ADAMTS9: variants seen among roughly 807,000 people sequenced by gnomAD.
ADAMTS9 encodes the protein A disintegrin and metalloproteinase with thrombospondin motifs 9.
ADAMTS9 carries 107 observed loss-of-function variants against 257.1 expected under a neutral mutation model. The observed-to-expected ratio is 0.42, with a 90% CI of 0.36 to 0.49. The LOEUF is 0.49. ADAMTS9 is among the 20% of genes least tolerant of loss of function. The pLI is 0.03. For synonymous variants in ADAMTS9, 982 were observed against 880.9 expected (o/e 1.11, Z -2.03); for missense variants, 2,353 against 2,469.1 (o/e 0.95, Z 1.00).
At chr3:64,525,831 G>A (rs1486204852) in intron 38 of ADAMTS9, among the ~76,000 whole-genome samples, 2 of 151,306 alleles carry the variant, frequency 1.3e-5, no homozygotes, top group Admixed American at 6.6e-5. Context: ...GACTGGTCTC[G>A]AACTCCTGAC....
At chr3:64,611,869 G>C (rs1027901648) in intron 22 of ADAMTS9, among the ~76,000 whole-genome samples, 1 of 152,138 alleles carries the variant, frequency 6.6e-6, no homozygotes, top group Non-Finnish European at 1.5e-5. Context: ...ATGAAGTTTC[G>C]TAACTAGGTA....
intron 28 of ADAMTS9, among the ~76,000 whole-genome samples, chr3:64,590,881 G>C (rs528230081): frequency 1.6e-4 from 24 of 152,246 alleles, no homozygotes; most frequent in Non-Finnish European, 2.9e-4. Flanking sequence ...TGATCAGCAA[G>C]CAGGTTGACA....
chr3:64,523,473 T>A (rs2082875615), intron 38 of ADAMTS9, among the ~76,000 whole-genome samples: 1 of 152,062 alleles, frequency 6.6e-6, no homozygotes, highest in African/African-American at 2.4e-5. Flanking sequence ...TTCAAAAAGG[T>A]TGGGAAAGAA....
chr3:64,668,817 G>A (rs1701411723), intron 3 of ADAMTS9, among the ~76,000 whole-genome samples: 1 of 152,170 alleles, frequency 6.6e-6, no homozygotes, highest in Non-Finnish European at 1.5e-5. Context: ...GGTGCCTGTG[G>A]TGGGTCTAGG....
chr3:64,680,863 G>T (rs574233863), intron 3 of ADAMTS9, among the ~76,000 whole-genome samples: 1 of 152,298 alleles, frequency 6.6e-6, no homozygotes, highest in South Asian at 2.1e-4. Flanking sequence ...GACTGAGGGT[G>T]CTACTATCAT....
At chr3:64,570,958 G>T (rs1264031134) in intron 28 of ADAMTS9, among the ~76,000 whole-genome samples, 1 of 152,070 alleles carries the variant, frequency 6.6e-6, no homozygotes, top group Admixed American at 6.6e-5. Context: ...GCTTGACTAG[G>T]GTGAAGAAAC....
At chr3:64,652,693 G>A (rs376542637) in intron 8 of ADAMTS9, among the ~76,000 whole-genome samples, 64 of 152,204 alleles carry the variant, frequency 4.2e-4, no homozygotes, top group Non-Finnish European at 7.6e-4. Context: ...GCTTACGAAC[G>A]ATAATAACCA....
At chr3:64,655,457 T>C (rs1701043886) in intron 6 of ADAMTS9, 119 bp downstream of exon 6, 2 of 800,558 alleles carry the variant, frequency 2.5e-6, no homozygotes, top group East Asian at 2.6e-5. Context: ...CAGCCCAAAA[T>C]GTCAACAGTG....
rs374739163 is a variant in ADAMTS9 at position 64,541,579 on chromosome 3, C to A, written c.5239G>T (p.Gly1747Cys). The A allele has an allele frequency of 6.2e-7, 1 of 1,614,120 alleles. No homozygotes were observed. Among genetic ancestry groups the A allele is most frequent in the South Asian group, 1.1e-5 (1 of 91,078 alleles). The change falls in exon 34 of 40, where the codon GGT becomes TGT. Residue 1747 changes from glycine to cysteine, a missense_variant. Coordinates refer to ENST00000498707, the MANE Select transcript of ADAMTS9 (RefSeq NM_182920.2). ...AAATATTCACCATCTTCACTGGCAC[C>A]TTTAAGTCTTTTTACCTCCTTGCAA... ...QNCKEVKRLK[G>C]ASEDGEYFLM...
chr3:64,604,142 T>G (rs891204001), intron 24 of ADAMTS9, 53 bp from the exon 25 acceptor site: 1 of 1,604,602 alleles, frequency 6.2e-7, no homozygotes, highest in African/African-American at 1.3e-5. Context: ...GGCTGCTTAC[T>G]GGACAGTAGC....
intron 38 of ADAMTS9, among the ~76,000 whole-genome samples, chr3:64,529,291 G>A (rs995163874): frequency 6.6e-6 from 1 of 152,250 alleles, no homozygotes; most frequent in Non-Finnish European, 1.5e-5. Context: ...GCTCTTGGAA[G>A]TGAGACAGCG....
intron 32 of ADAMTS9, among the ~76,000 whole-genome samples, chr3:64,543,013 T>C (rs1312126999): frequency 6.6e-6 from 1 of 152,206 alleles, no homozygotes; most frequent in Non-Finnish European, 1.5e-5. Flanking sequence ...CTAGAAAATC[T>C]AGAAGGAATG....
chr3:64,584,500 T>C (rs2084095271), intron 28 of ADAMTS9, among the ~76,000 whole-genome samples: 1 of 152,108 alleles, frequency 6.6e-6, no homozygotes, highest in Non-Finnish European at 1.5e-5. Flanking sequence ...ACAGTGCAAA[T>C]CTCAGATTAA....
intron 32 of ADAMTS9, among the ~76,000 whole-genome samples, chr3:64,543,503 C>A (rs374513260): frequency 8.6e-4 from 131 of 152,274 alleles, no homozygotes; most frequent in African/African-American, 3.1e-3. Flanking sequence ...ACGAACAGAA[C>A]CAAACACAAA....
At chr3:64,557,239 G>A (rs530221468) in intron 30 of ADAMTS9, among the ~76,000 whole-genome samples, 2 of 152,258 alleles carry the variant, frequency 1.3e-5, no homozygotes, top group South Asian at 4.1e-4. Flanking sequence ...TCCAGGTAAA[G>A]GGGGAAAAGA....
At chr3:64,657,385 G>T (rs532709876) in intron 4 of ADAMTS9, among the ~76,000 whole-genome samples, 1 of 152,102 alleles carries the variant, frequency 6.6e-6, no homozygotes, top group Non-Finnish European at 1.5e-5. Context: ...CTCCAAGGCT[G>T]ATGCACAGTG....
chr3:64,601,753 G>A (rs2084465875), intron 26 of ADAMTS9, among the ~76,000 whole-genome samples, 191 bp downstream of exon 26: 1 of 152,092 alleles, frequency 6.6e-6, no homozygotes, highest in African/African-American at 2.4e-5. Flanking sequence ...CAGCTTATAG[G>A]TGGACGCAGG....
intron 39 of ADAMTS9, among the ~76,000 whole-genome samples, chr3:64,518,449 T>C (rs186289959): frequency 2.6e-5 from 4 of 152,278 alleles, no homozygotes; most frequent in African/African-American, 9.6e-5. Context: ...ATGGGGATGA[T>C]AAAAAGACTG....
At chr3:64,606,819 G>T in intron 23 of ADAMTS9, 141 bp downstream of exon 23, 1 of 1,027,578 alleles carries the variant, frequency 9.7e-7, no homozygotes. Context: ...GTAACATACA[G>T]GTAAATCTGG....
Sources: allele counts gnomAD v4.1 joint callset (sites outside exome capture counted in the v4.1 genomes callset), GRCh38; gene constraint gnomAD v4.1.1; transcripts MANE v1.5; gene names NCBI Gene and HGNC (gene_info 2026-07-23, HGNC 2026-07-21).